MBD5: variants seen among roughly 807,000 people sequenced by gnomAD.
MBD5 encodes the protein methyl-CpG-binding domain protein 5.
A neutral mutation model predicts 117.3 loss-of-function variants in MBD5; 13 were observed. The observed-to-expected ratio is 0.11, with a 90% CI of 0.07 to 0.18. The LOEUF (loss-of-function observed/expected upper bound fraction) is 0.18, where lower values mean the gene tolerates loss of function less well. Among genes scored for constraint, MBD5 ranks in the 10% least tolerant of loss-of-function variants. The probability of loss-of-function intolerance (pLI) is 1.00; values close to 1 mark genes in which losing one functional copy is unlikely to be tolerated. For synonymous variants in MBD5, 727 were observed against 766.4 expected (o/e 0.95, Z 0.85); for missense variants, 1,879 against 2,093.8 (o/e 0.90, Z 2.00).
intron 12 of MBD5, among the ~76,000 whole-genome samples, chr2:148,506,578 A>C (rs1391430827): frequency 6.6e-6 from 1 of 152,222 alleles, no homozygotes; most frequent in Non-Finnish European, 1.5e-5. Context: ...GACAGTGTAG[A>C]ACAACTTGCA....
chr2:148,073,142 C>A (rs1185571719), intron 1 of MBD5, among the ~76,000 whole-genome samples: 15 of 151,934 alleles, frequency 9.9e-5, no homozygotes, highest in Non-Finnish European at 4.4e-5. Flanking sequence ...GTGTGAGTTT[C>A]TCGCTGTGAT....
At chr2:148,486,681 A>C (rs1391144002) in intron 10 of MBD5, among the ~76,000 whole-genome samples, 1 of 152,232 alleles carries the variant, frequency 6.6e-6, no homozygotes, top group Non-Finnish European at 1.5e-5. Flanking sequence ...TTAGCAATAG[A>C]TATGAACAGA....
intron 4 of MBD5, among the ~76,000 whole-genome samples, chr2:148,453,781 A>T (rs551567926): frequency 2.6e-5 from 4 of 152,140 alleles, no homozygotes; most frequent in Admixed American, 6.6e-5. Context: ...TCTATATAGA[A>T]GGTGAAGTTA....
intron 1 of MBD5, among the ~76,000 whole-genome samples, chr2:148,029,947 C>T (rs754342525): frequency 3.9e-5 from 6 of 151,982 alleles, no homozygotes; most frequent in East Asian, 1.9e-4. Flanking sequence ...AAAAATACTA[C>T]GATGGAAATA....
intron 4 of MBD5, among the ~76,000 whole-genome samples, chr2:148,419,062 C>G (rs1169770607): frequency 6.6e-6 from 1 of 152,042 alleles, no homozygotes; most frequent in East Asian, 1.9e-4. Context: ...ATAGAGAACC[C>G]AGAATTAAAA....
intron 4 of MBD5, among the ~76,000 whole-genome samples, chr2:148,411,754 A>G (rs1705255666): frequency 6.6e-6 from 1 of 152,002 alleles, no homozygotes; most frequent in Non-Finnish European, 1.5e-5. Context: ...GAACTTTTTC[A>G]GATGAATAGT....
chr2:148,274,586 TAAG>T (rs1701058708), intron 3 of MBD5, among the ~76,000 whole-genome samples: 2 of 152,210 alleles, frequency 1.3e-5, no homozygotes, highest in Admixed American at 6.5e-5. Flanking sequence ...CCTAATTTTT[TAAG>T]AAGGATGGTA....
chr2:148,421,464 C>T (rs1336055350), intron 4 of MBD5, among the ~76,000 whole-genome samples: 3 of 152,094 alleles, frequency 2.0e-5, no homozygotes, highest in Non-Finnish European at 2.9e-5. Context: ...CCTACGCCAA[C>T]AGGGTTCTGG....
At chr2:148,405,518 C>T (rs780558280) in intron 4 of MBD5, among the ~76,000 whole-genome samples, 6 of 148,230 alleles carry the variant, frequency 4.0e-5, no homozygotes, top group African/African-American at 7.7e-5. Flanking sequence ...AGAATAAGTT[C>T]GACATGTTCA....
intron 1 of MBD5, among the ~76,000 whole-genome samples, chr2:148,154,653 G>T (rs75360658): frequency 1.3e-5 from 2 of 152,160 alleles, no homozygotes; most frequent in African/African-American, 4.8e-5. Flanking sequence ...TTTTTAAGCT[G>T]GTCGGAAAAG....
intron 3 of MBD5, among the ~76,000 whole-genome samples, chr2:148,274,872 G>A (rs529611098): frequency 6.6e-6 from 1 of 152,164 alleles, no homozygotes; most frequent in African/African-American, 2.4e-5. Context: ...ATAGGCGCAT[G>A]CCACCACACC....
chr2:148,326,046 C>G (rs1345145110), intron 3 of MBD5, among the ~76,000 whole-genome samples: 1 of 152,104 alleles, frequency 6.6e-6, no homozygotes, highest in Non-Finnish European at 1.5e-5. Context: ...TCTTTGTTCT[C>G]ATTGGTTTCA....
intron 3 of MBD5, among the ~76,000 whole-genome samples, chr2:148,333,688 A>G (rs536784489): frequency 2.0e-5 from 3 of 151,926 alleles, no homozygotes; most frequent in African/African-American, 4.8e-5. Context: ...CTGAAAAAAA[A>G]AAAATAAATA....
intron 1 of MBD5, among the ~76,000 whole-genome samples, chr2:148,077,860 T>C (rs1274260384): frequency 6.6e-6 from 1 of 152,114 alleles, no homozygotes; most frequent in African/African-American, 2.4e-5. Flanking sequence ...TAATACATAA[T>C]ATACTCTCAT....
intron 3 of MBD5, chr2:148,260,835 T>A (rs1700714180): frequency 6.6e-6 from 1 of 152,200 alleles, no homozygotes; most frequent in Non-Finnish European, 1.5e-5. Flanking sequence ...ATTTCTTAAT[T>A]AAAAAGACTT....
intron 4 of MBD5, among the ~76,000 whole-genome samples, chr2:148,434,958 G>C (rs1177122141): frequency 1.3e-5 from 2 of 152,082 alleles, no homozygotes; most frequent in African/African-American, 4.8e-5. Context: ...AGAGAGTTAG[G>C]TCTTCTTGTG....
chr2:148,319,117 A>G (rs1388337348), intron 3 of MBD5, among the ~76,000 whole-genome samples: 1 of 152,116 alleles, frequency 6.6e-6, no homozygotes, highest in Non-Finnish European at 1.5e-5. Context: ...CTTTGTATCT[A>G]TTTTTATACC....
intron 3 of MBD5, among the ~76,000 whole-genome samples, chr2:148,261,202 A>G (rs1700723335): frequency 6.6e-6 from 1 of 152,194 alleles, no homozygotes; most frequent in Non-Finnish European, 1.5e-5. Context: ...AAAATCACCA[A>G]CTGCATTAGC....
rs147272790 is a variant in MBD5 at position 148,470,445 on chromosome 2, A to G, written c.2502A>G (p.Gln834=). Residue 834 remains glutamine, a synonymous_variant, in exon 8 of 14, where the codon CAA becomes CAG. Coordinates refer to ENST00000642680, the MANE Select transcript of MBD5 (RefSeq NM_001378120.1). ...IPNSIVSSYN[Q]TSSEAGGSGP... is the part of the protein sequence containing the mutation. Reference sequence around the variant, plus strand: ...ACAGCATTGTTAGCAGCTATAATCAAACAAGTTCTGAAGCAGGTATGGTTT... The same window carrying G: ...ACAGCATTGTTAGCAGCTATAATCAGACAAGTTCTGAAGCAGGTATGGTTT... 1 of 1,602,348 alleles carries G rather than the reference A, an allele frequency of 6.2e-7. No individual in the cohort carries two copies. The highest frequency in any genetic ancestry group is 8.5e-7 in the Non-Finnish European group (1 of 1,173,666).
Sources: gnomAD v4.1 joint callset for allele counts (sites outside exome capture counted in the v4.1 genomes callset) on GRCh38, gnomAD v4.1.1 for gene constraint, MANE v1.5 for transcripts, NCBI Gene and HGNC (gene_info 2026-07-23, HGNC 2026-07-21) for gene names.